Variants in TNRC6C observed in about 807,000 individuals in gnomAD.
The protein encoded by TNRC6C is trinucleotide repeat containing adaptor 6C, also known as trinucleotide repeat-containing gene 6C protein.
Under a neutral mutation model 153.7 loss-of-function variants are expected in TNRC6C, and 20 were observed. The ratio of observed to expected loss-of-function variants is 0.13; its 90% CI spans 0.09 to 0.19. TNRC6C has a LOEUF of 0.19. TNRC6C is among the 10% of genes least tolerant of loss of function. TNRC6C has a pLI of 1.00. For missense variants in TNRC6C, 1,987 were observed against 2,172.0 expected (o/e 0.91, Z 1.69); for synonymous variants, 811 against 841.4 (o/e 0.96, Z 0.63).
intron 1 of TNRC6C, among the ~76,000 whole-genome samples, chr17:77,997,126 C>CG (rs2071340587): frequency 6.6e-6 from 1 of 152,132 alleles, no homozygotes; most frequent in Non-Finnish European, 1.5e-5. Flanking sequence ...GGCCAAGAGA[C>CG]GCGTTTCTTA....
At chr17:78,073,013 T>C in intron 6 of TNRC6C, 24 bp from the exon 9 acceptor site, 1 of 1,542,030 alleles carries the variant, frequency 6.5e-7, no homozygotes, top group Non-Finnish European at 8.8e-7. Context: ...TGTGCACTAA[T>C]GAAAACTCTG....
chr17:78,079,439 A>G lies in TNRC6C; in HGVS notation c.3255A>G (p.Ala1085=). The G allele has an allele frequency of 6.2e-7, 1 of 1,613,908 alleles. No homozygotes were observed. Among genetic ancestry groups the G allele is most frequent in the Non-Finnish European group, 8.5e-7 (1 of 1,179,876 alleles). ...GTATGTTTGGCAATAGTGGAGCAGC[A>G]CAAGCCAGGACCATGCAGCAGCCGC... is the stretch of plus-strand genomic sequence containing the variant. The change falls in exon 10 of 20, where the codon GCA becomes GCG. Residue 1085 remains alanine, a synonymous_variant. Transcript: ENST00000301624. This position sits in a 1 kb window ranked among gnomAD's most constrained non-coding sequence, Gnocchi z 4.3.
chr17:78,038,339 G>T (rs1008071170), intron 2 of TNRC6C, among the ~76,000 whole-genome samples: 1 of 152,140 alleles, frequency 6.6e-6, no homozygotes, highest in East Asian at 1.9e-4. Flanking sequence ...TGAACGGGAA[G>T]ATCATAGAAC....
chr17:78,012,910 CTT>C (rs1226609905), intron 1 of TNRC6C, among the ~76,000 whole-genome samples: 1 of 152,078 alleles, frequency 6.6e-6, no homozygotes, highest in African/African-American at 2.4e-5. Context: ...GAAAAGATAA[CTT>C]GTTTTTAAAA....
At chr17:77,986,096 A>G (rs1357216123) in intron 1 of TNRC6C, among the ~76,000 whole-genome samples, 1 of 152,206 alleles carries the variant, frequency 6.6e-6, no homozygotes, top group Non-Finnish European at 1.5e-5. Flanking sequence ...ATACCTAGAC[A>G]TGAGCTTAAC....
intron 1 of TNRC6C, among the ~76,000 whole-genome samples, chr17:77,968,020 A>G (rs2070911521): frequency 6.6e-6 from 1 of 152,022 alleles, no homozygotes; most frequent in Admixed American, 6.6e-5. Flanking sequence ...TGTAGTTATT[A>G]TTCTTATTAT....
At chr17:78,054,667 CGCTACTGGAG>C (rs1390261272) in intron 3 of TNRC6C, among the ~76,000 whole-genome samples, 1 of 151,412 alleles carries the variant, frequency 6.6e-6, no homozygotes, top group African/African-American at 2.4e-5. Flanking sequence ...GACTACTGTA[CGCTACTGGAG>C]ACTACTGCAG....
intron 13 of TNRC6C, among the ~76,000 whole-genome samples, chr17:78,090,535 C>T (rs375567132): frequency 1.8e-4 from 28 of 152,264 alleles, no homozygotes; most frequent in South Asian, 8.3e-4. Context: ...GGGAGGGGGG[C>T]GCTTGTGCTG....
At chr17:78,010,198 C>T (rs918326529) in intron 1 of TNRC6C, among the ~76,000 whole-genome samples, 16 of 152,172 alleles carry the variant, frequency 1.1e-4, no homozygotes, top group African/African-American at 3.6e-4. Context: ...TAATTAGTAT[C>T]CTAATCTTGT....
intron 1 of TNRC6C, among the ~76,000 whole-genome samples, chr17:77,998,516 T>G: frequency 6.6e-6 from 1 of 152,220 alleles, no homozygotes; most frequent in South Asian, 2.1e-4. Flanking sequence ...TACTGTTCAT[T>G]TTTTTCAGTC....
At chr17:78,030,206 G>C (rs975124779) in intron 1 of TNRC6C, among the ~76,000 whole-genome samples, 15 of 152,026 alleles carry the variant, frequency 9.9e-5, no homozygotes, top group African/African-American at 3.4e-4. Flanking sequence ...CTGGAGTGCA[G>C]TGGCACAGTC....
chr17:77,989,923 C>T (rs755557293), intron 1 of TNRC6C, among the ~76,000 whole-genome samples: 11 of 152,206 alleles, frequency 7.2e-5, no homozygotes, highest in Non-Finnish European at 1.2e-4. Context: ...GCATTAACAT[C>T]TCCTGAAATT....
Position 78,104,386 on chromosome 17 carries a change from C to T in TNRC6C, c.4713-99C>T. 7.2e-7 allele frequency: 1 copy of T among 1,396,106 alleles called. No homozygotes were observed. The highest frequency in any genetic ancestry group is 1.6e-5 in the South Asian group (1 of 61,838). The allele number at this position is 1,396,106 out of a possible 1,614,324, so 86.5% of individuals were successfully genotyped here. ...TGGCAAAACAGAAGCCACAGGATGG[C>T]TTCCATGTGGGGCCGTTCCCAATAC... is the stretch of plus-strand genomic sequence containing the variant. On this transcript the variant is annotated intron_variant, in intron 19 of 19. Coordinates refer to ENST00000301624, the Ensembl canonical transcript of TNRC6C. This position sits in a 1 kb window ranked among gnomAD's most constrained non-coding sequence, Gnocchi z 6.2.
At chr17:77,959,820 G>C (rs908754268) in intron 1 of TNRC6C, among the ~76,000 whole-genome samples, 1 of 152,184 alleles carries the variant, frequency 6.6e-6, no homozygotes, top group Non-Finnish European at 1.5e-5. Flanking sequence ...CATCTGTCCT[G>C]TTATCAGATA....
intron 1 of TNRC6C, among the ~76,000 whole-genome samples, chr17:78,028,205 GT>G (rs1319457088): frequency 6.6e-6 from 1 of 152,162 alleles, no homozygotes; most frequent in Non-Finnish European, 1.5e-5. Flanking sequence ...GAAACTTGGA[GT>G]TTTTACTTGA....
intron 1 of TNRC6C, among the ~76,000 whole-genome samples, chr17:77,970,366 T>A (rs1442634047): frequency 2.6e-5 from 4 of 152,152 alleles, no homozygotes; most frequent in African/African-American, 9.7e-5. Context: ...CCACTTCAGC[T>A]TCCAAAGTAG....
intron 16 of TNRC6C, among the ~76,000 whole-genome samples, chr17:78,097,520 C>T (rs945705385): frequency 3.3e-5 from 5 of 152,180 alleles, no homozygotes; most frequent in Non-Finnish European, 5.9e-5. Flanking sequence ...CCTTTGATTC[C>T]TCTGCCTTCA....
rs147403003 is a variant in TNRC6C, at chr17:78,029,415, G to A, written c.-545-2101G>A. ...ATACTGTAGGCAGTTGCAACACAATGGTAAGTATTTATGTTATCTAAACAT... is the reference window on the plus strand; with the variant it reads ...ATACTGTAGGCAGTTGCAACACAATAGTAAGTATTTATGTTATCTAAACAT... On this transcript the variant is annotated intron_variant, in intron 1 of 19. Coordinates refer to ENST00000301624, the Ensembl canonical transcript of TNRC6C. 1.4e-3 allele frequency among the ~76,000 whole-genome samples: 214 copies of A among 152,274 alleles called. 1 individual carries two copies. The highest frequency in any genetic ancestry group is 4.9e-3 in the African/African-American group (204 of 41,532).
At chr17:78,040,526 G>T (rs1391150367) in intron 2 of TNRC6C, among the ~76,000 whole-genome samples, 1 of 152,156 alleles carries the variant, frequency 6.6e-6, no homozygotes, top group Non-Finnish European at 1.5e-5. Context: ...GGCTCATTTA[G>T]AATATTACAG....
Sources: gnomAD v4.1 joint callset for allele counts (sites outside exome capture counted in the v4.1 genomes callset) on GRCh38, gnomAD v4.1.1 for gene constraint, Gnocchi (gnomAD v3.1) non-coding constraint, MANE v1.5 for transcripts, NCBI Gene and HGNC (gene_info 2026-07-23, HGNC 2026-07-21) for gene names.